TFPI: variants seen among roughly 807,000 people sequenced by gnomAD.
TFPI encodes the protein tissue factor pathway inhibitor.
A neutral mutation model predicts 34.6 loss-of-function variants in TFPI; 15 were observed. That is an observed-to-expected ratio of 0.43 (90% CI 0.29 to 0.67). The LOEUF (loss-of-function observed/expected upper bound fraction) is 0.67, where lower values mean the gene tolerates loss of function less well. TFPI is among the 30% of genes least tolerant of loss of function. The probability of loss-of-function intolerance (pLI) is 0.15; values close to 1 mark genes in which losing one functional copy is unlikely to be tolerated. For synonymous variants in TFPI, 105 were observed against 120.1 expected (o/e 0.87, Z 0.82); for missense variants, 301 against 364.0 (o/e 0.83, Z 1.41).
At chr2:187,546,453 G>C (rs1688869958) in intron 1 of TFPI, among the ~76,000 whole-genome samples, 1 of 151,632 alleles carries the variant, frequency 6.6e-6, no homozygotes, top group South Asian at 2.1e-4. Context: ...ATAAAAGTTA[G>C]CATTACATAT....
intron 1 of TFPI, among the ~76,000 whole-genome samples, chr2:187,549,720 T>C (rs1426901736): frequency 6.6e-6 from 1 of 152,124 alleles, no homozygotes; most frequent in Non-Finnish European, 1.5e-5. Context: ...GTTTATCTTA[T>C]TTAGGCAAAC....
At chr2:187,501,517 CA>C (rs1685850435) in intron 2 of TFPI, among the ~76,000 whole-genome samples, 1 of 152,016 alleles carries the variant, frequency 6.6e-6, no homozygotes, top group South Asian at 2.1e-4. Flanking sequence ...CAGGGAAGAA[CA>C]AACACATGTA....
chr2:187,527,720 G>A (rs1687750959), intron 1 of TFPI, among the ~76,000 whole-genome samples: 1 of 152,116 alleles, frequency 6.6e-6, no homozygotes, highest in Admixed American at 6.6e-5. Flanking sequence ...AATATTAGAA[G>A]TGCAAAGATG....
intron 7 of TFPI, 52 bp downstream of exon 7, chr2:187,467,701 T>G: frequency 1.4e-6 from 2 of 1,406,670 alleles, no homozygotes; most frequent in Non-Finnish European, 1.9e-6. Flanking sequence ...TCATTTCAAT[T>G]CAATTGCTAT....
chr2:187,503,544 A>G, intron 2 of TFPI, 104 bp downstream of exon 2: 3 of 1,407,440 alleles, frequency 2.1e-6, no homozygotes, highest in Non-Finnish European at 2.9e-6. Context: ...TATCACTTCA[A>G]TAACAACTAA....
intron 3 of TFPI, among the ~76,000 whole-genome samples, chr2:187,492,337 T>C (rs1685175261): frequency 6.6e-6 from 1 of 152,224 alleles, no homozygotes; most frequent in Non-Finnish European, 1.5e-5. Context: ...TCTAGAATTA[T>C]TATAGTTTCA....
intron 1 of TFPI, among the ~76,000 whole-genome samples, chr2:187,511,130 TGCACG>T (rs1686599016): frequency 6.6e-6 from 1 of 152,122 alleles, no homozygotes; most frequent in South Asian, 2.1e-4. Flanking sequence ...CTCAGAGCAG[TGCACG>T]GCAGGCCCCC....
intron 6 of TFPI, among the ~76,000 whole-genome samples, chr2:187,472,555 A>G (rs939992797): frequency 6.6e-6 from 1 of 152,178 alleles, no homozygotes; most frequent in Admixed American, 6.5e-5. Context: ...TTTATCTCCT[A>G]TTCAACACTT....
chr2:187,483,327 G>A (rs1190808651), intron 6 of TFPI, among the ~76,000 whole-genome samples: 4 of 151,806 alleles, frequency 2.6e-5, no homozygotes, highest in Non-Finnish European at 5.9e-5. Flanking sequence ...CTCAGGCTAA[G>A]TTTATATATA....
intron 1 of TFPI, among the ~76,000 whole-genome samples, chr2:187,537,231 C>T (rs193286911): frequency 6.6e-6 from 1 of 151,972 alleles, no homozygotes; most frequent in Non-Finnish European, 1.5e-5. Context: ...TTAGAAAAAG[C>T]AAACTACTTT....
At chr2:187,540,966 T>C (rs980951645) in intron 1 of TFPI, among the ~76,000 whole-genome samples, 1 of 146,778 alleles carries the variant, frequency 6.8e-6, no homozygotes, top group African/African-American at 2.5e-5. Flanking sequence ...ACTTAAGAGA[T>C]AGGATTAAAT....
chr2:187,495,484 A>G (rs1685414670), intron 3 of TFPI, among the ~76,000 whole-genome samples: 1 of 152,236 alleles, frequency 6.6e-6, no homozygotes, highest in Non-Finnish European at 1.5e-5. Flanking sequence ...TGAGCTGCCT[A>G]AACTGTGTTA....
At chr2:187,510,268 T>C (rs1559131929) in intron 1 of TFPI, among the ~76,000 whole-genome samples, 1 of 152,212 alleles carries the variant, frequency 6.6e-6, no homozygotes. Context: ...AGTTACGCAC[T>C]CTACAACTAT....
chr2:187,551,081 G>A (rs555720162), intron 1 of TFPI, among the ~76,000 whole-genome samples: 15 of 152,170 alleles, frequency 9.9e-5, no homozygotes, highest in Non-Finnish European at 1.9e-4. Context: ...CATTTTATCA[G>A]TGTCCTACTG....
chr2:187,479,769 A>C (rs1227042953), intron 6 of TFPI, among the ~76,000 whole-genome samples: 1 of 151,478 alleles, frequency 6.6e-6, no homozygotes, highest in African/African-American at 2.4e-5. Flanking sequence ...TTGTTTAGGG[A>C]ATCTAACCAT....
chr2:187,497,283 G>C (rs8176448), intron 2 of TFPI, among the ~76,000 whole-genome samples: 5,340 of 152,024 alleles, frequency 0.035, 285 homozygotes, highest in African/African-American at 0.11. Context: ...CTCTTGTTAG[G>C]GAGGTATTGC....
intron 2 of TFPI, among the ~76,000 whole-genome samples, chr2:187,502,785 T>TTC (rs1306709167): frequency 6.6e-6 from 1 of 152,154 alleles, no homozygotes; most frequent in Non-Finnish European, 1.5e-5. Flanking sequence ...CCATACCTGT[T>TTC]TCTCTAGCAC....
At chr2:187,488,902 T>G (rs1158075998) in intron 3 of TFPI, among the ~76,000 whole-genome samples, 1 of 151,538 alleles carries the variant, frequency 6.6e-6, no homozygotes, top group Non-Finnish European at 1.5e-5. Flanking sequence ...GACACGTTGT[T>G]TGGTTTAACA....
intron 1 of TFPI, among the ~76,000 whole-genome samples, chr2:187,541,784 G>A (rs2106305065): frequency 6.6e-6 from 1 of 152,226 alleles, no homozygotes; most frequent in Non-Finnish European, 1.5e-5. Flanking sequence ...TGAACAACCA[G>A]GAGAAAAACA....
Sources: allele counts gnomAD v4.1 joint callset (sites outside exome capture counted in the v4.1 genomes callset), GRCh38; gene constraint gnomAD v4.1.1; transcripts MANE v1.5; gene names NCBI Gene and HGNC (gene_info 2026-07-23, HGNC 2026-07-21).